The following ADAMTSL1 variants were observed in gnomAD, a reference collection of about 807,000 sequenced individuals.
ADAMTSL1 encodes ADAMTS like 1, also known as ADAMTS-like protein 1.
A neutral mutation model predicts 201.8 loss-of-function variants in ADAMTSL1; 126 were observed. The observed-to-expected ratio is 0.62, with a 90% CI of 0.54 to 0.72. The LOEUF is 0.72. Ranked by LOEUF, ADAMTSL1 falls within the 30% of genes least tolerant of loss-of-function variation. The pLI, the probability that ADAMTSL1 is intolerant of heterozygous loss-of-function variation, is 0.00. For synonymous variants in ADAMTSL1, 1,121 were observed against 903.4 expected, an observed-to-expected ratio of 1.24 and a Z score of -4.32; for missense variants, 2,679 against 2,277.8, an observed-to-expected ratio of 1.18 and a Z score of -3.59.
At chr9:18,142,545 T>C (rs1405114454) in intron 1 of ADAMTSL1, among the ~76,000 whole-genome samples, 2 of 152,154 alleles carry the variant, frequency 1.3e-5, no homozygotes, top group African/African-American at 4.8e-5. Flanking sequence ...GGAAAAGTAT[T>C]TGGAGACTTG....
intron 1 of ADAMTSL1, among the ~76,000 whole-genome samples, chr9:18,154,101 A>C (rs1411790): frequency 0.51 from 77,307 of 151,738 alleles, 19,964 homozygotes; most frequent in Admixed American, 0.58. Context: ...TTTTTCAACA[A>C]ATATGGATAA....
intron 23 of ADAMTSL1, among the ~76,000 whole-genome samples, chr9:18,859,479 C>T (rs1016353861): frequency 5.3e-5 from 8 of 152,188 alleles, no homozygotes; most frequent in African/African-American, 1.7e-4. Context: ...TGTGAGGTAG[C>T]ATATTCATAG....
intron 2 of ADAMTSL1, among the ~76,000 whole-genome samples, chr9:18,392,779 A>G (rs1838104003): frequency 6.6e-6 from 1 of 152,196 alleles, no homozygotes; most frequent in African/African-American, 2.4e-5. Context: ...AAAAATAATA[A>G]TCTTCTTAAT....
chr9:18,472,387 G>T (rs1821249579), upstream of ADAMTSL1, among the ~76,000 whole-genome samples: 2 of 152,184 alleles, frequency 1.3e-5, no homozygotes, highest in African/African-American at 4.8e-5. Context: ...CTTTCTAAAA[G>T]GGAAAAGCAT....
At chr9:18,601,232 C>T (rs1036390871) in intron 4 of ADAMTSL1, among the ~76,000 whole-genome samples, 2 of 152,086 alleles carry the variant, frequency 1.3e-5, no homozygotes, top group Non-Finnish European at 2.9e-5. Flanking sequence ...GTCTGCTCAA[C>T]CTAAGATCAA....
At chr9:18,547,730 A>T (rs1820558871) in intron 3 of ADAMTSL1, among the ~76,000 whole-genome samples, 1 of 151,738 alleles carries the variant, frequency 6.6e-6, no homozygotes, top group African/African-American at 2.4e-5. Flanking sequence ...ATAGACATAG[A>T]TACCATATCA....
intron 1 of ADAMTSL1, among the ~76,000 whole-genome samples, chr9:17,975,443 C>T (rs973551082): frequency 1.6e-4 from 24 of 151,966 alleles, no homozygotes; most frequent in Non-Finnish European, 2.4e-4. Context: ...GCTGTGTCTT[C>T]GCGTAGTAGC....
chr9:17,997,450 T>G (rs1388482496), intron 1 of ADAMTSL1, among the ~76,000 whole-genome samples: 4 of 152,094 alleles, frequency 2.6e-5, no homozygotes, highest in Non-Finnish European at 5.9e-5. Context: ...CATTTGTCAC[T>G]CCTAAACACT....
chr9:18,798,106 A>C lies in ADAMTSL1; in HGVS notation c.3805+2582A>C, dbSNP rs558714412. On this transcript the variant is annotated intron_variant, in intron 20 of 28. Coordinates refer to ENST00000380548, the MANE Select transcript of ADAMTSL1 (RefSeq NM_001040272.6). The stretch of plus-strand genomic sequence containing the variant: ...TGTAGGCCAAAGAGGAAAAAAAAAA[A>C]AAACTTTGAGCCTCAAGATAATCAA... Among the ~76,000 whole-genome samples, 59 of 152,304 alleles carry C rather than the reference A, an allele frequency of 3.9e-4. No homozygotes were observed. In the Middle Eastern group the frequency reaches 0.014, roughly 35 times the overall value.
intron 2 of ADAMTSL1, among the ~76,000 whole-genome samples, chr9:18,217,497 G>C (rs978483140): frequency 6.6e-6 from 1 of 151,966 alleles, no homozygotes; most frequent in Non-Finnish European, 1.5e-5. Flanking sequence ...CCTGCTTTTT[G>C]GAATCAGTGA....
chr9:18,153,758 A>C (rs2132054210), intron 1 of ADAMTSL1, among the ~76,000 whole-genome samples: 1 of 152,180 alleles, frequency 6.6e-6, no homozygotes, highest in Middle Eastern at 3.4e-3. Context: ...CAGCTACCAA[A>C]ACATGTATAG....
At chr9:18,393,469 A>C (rs1838135658) in intron 2 of ADAMTSL1, among the ~76,000 whole-genome samples, 1 of 152,190 alleles carries the variant, frequency 6.6e-6, no homozygotes, top group African/African-American at 2.4e-5. Context: ...AGTTCTGAGA[A>C]AACAAGGATA....
At chr9:18,233,402 G>A (rs1830717665) in intron 2 of ADAMTSL1, among the ~76,000 whole-genome samples, 2 of 152,166 alleles carry the variant, frequency 1.3e-5, no homozygotes, top group Non-Finnish European at 2.9e-5. Context: ...AGTATATAAA[G>A]ATAAGATCCT....
intron 2 of ADAMTSL1, among the ~76,000 whole-genome samples, chr9:18,214,646 A>G (rs971200486): frequency 5.9e-5 from 9 of 152,246 alleles, no homozygotes; most frequent in South Asian, 2.1e-4. Context: ...TTGTGTATCC[A>G]TGGTCATTTA....
At chr9:18,278,461 C>T (rs1017662838) in intron 2 of ADAMTSL1, among the ~76,000 whole-genome samples, 5 of 152,124 alleles carry the variant, frequency 3.3e-5, no homozygotes, top group African/African-American at 1.2e-4. Flanking sequence ...TCTTTCAGCA[C>T]TTTGACTACA....
At chr9:18,448,685 T>A (rs1820292289) in intron 2 of ADAMTSL1, among the ~76,000 whole-genome samples, 1 of 152,194 alleles carries the variant, frequency 6.6e-6, no homozygotes, top group South Asian at 2.1e-4. Context: ...GACATTTATC[T>A]CATTTTCTTT....
At chr9:18,385,951 C>T (rs1837773910) in intron 2 of ADAMTSL1, among the ~76,000 whole-genome samples, 2 of 152,200 alleles carry the variant, frequency 1.3e-5, no homozygotes, top group African/African-American at 2.4e-5. Context: ...CTTGCACCTT[C>T]TCTATTCCAA....
chr9:18,621,296 A>C (rs941586465), intron 4 of ADAMTSL1, among the ~76,000 whole-genome samples: 16 of 152,190 alleles, frequency 1.1e-4, no homozygotes, highest in South Asian at 2.1e-4. Flanking sequence ...CATACTTTAT[A>C]AAAGCCTGTG....
intron 15 of ADAMTSL1, among the ~76,000 whole-genome samples, chr9:18,741,180 G>A (rs1818802722): frequency 6.6e-6 from 1 of 152,008 alleles, no homozygotes; most frequent in South Asian, 2.1e-4. Context: ...AGTATCTTAT[G>A]GTTGTCTCTA....
Sources: allele counts gnomAD v4.1 joint callset (sites outside exome capture counted in the v4.1 genomes callset), GRCh38; gene constraint gnomAD v4.1.1; transcripts MANE v1.5; gene names NCBI Gene and HGNC (gene_info 2026-07-23, HGNC 2026-07-21).